Variants in LIAT1 observed in about 807,000 individuals in gnomAD.
The protein encoded by LIAT1 is protein LIAT1.
chr17:413,435 C>T, the LIAT1 span: 77 of 1,613,816 alleles, frequency 4.8e-5, no homozygotes, highest in African/African-American at 5.3e-5. Flanking sequence ...AAAACGGTAC[C>T]GGTGCTTGGC....
At chr17:414,068 A>G in the LIAT1 span, 1 of 1,614,014 alleles carries the variant, frequency 6.2e-7, no homozygotes, top group South Asian at 1.1e-5. The surrounding 1 kb of genome is among the most constrained non-coding windows in gnomAD (Gnocchi z 4.1). Context: ...AGGAAACCTT[A>G]CCCCAAAGCT....
At chr17:413,354 C>A in the LIAT1 span, 5 of 1,614,252 alleles carry the variant, frequency 3.1e-6, no homozygotes, top group Non-Finnish European at 4.2e-6. Context: ...CGAAAGTCTG[C>A]GTTGGGATGG....
At chr17:410,714 C>A in the LIAT1 span, 1 of 1,426,040 alleles carries the variant, frequency 7.0e-7, no homozygotes, top group Non-Finnish European at 9.5e-7. Flanking sequence ...GACCCACCCC[C>A]CATTTACCCT....
chr17:413,030 G>A, the LIAT1 span: 47 of 1,196,882 alleles, frequency 3.9e-5, no homozygotes, highest in Admixed American at 1.9e-4. Context: ...GGCAGCCTGA[G>A]CCCTGGGTAC....
At chr17:412,593 A>G in the LIAT1 span, among the ~76,000 whole-genome samples, 4 of 152,322 alleles carry the variant, frequency 2.6e-5, no homozygotes, top group Non-Finnish European at 5.9e-5. Context: ...AAATCAGTAC[A>G]AGCCATACAG....
chr17:413,444 G>A, the LIAT1 span: 4 of 1,613,222 alleles, frequency 2.5e-6, no homozygotes, highest in South Asian at 4.4e-5. Flanking sequence ...CCGGTGCTTG[G>A]CCCTCAAGGG....
At chr17:413,195 T>A in the LIAT1 span, 1 of 1,614,182 alleles carries the variant, frequency 6.2e-7, no homozygotes, top group East Asian at 2.2e-5. Flanking sequence ...TTCTTCCTCC[T>A]TTCATGACAT....
the LIAT1 span, chr17:414,228 C>T: frequency 1.5e-6 from 2 of 1,337,676 alleles, no homozygotes; most frequent in Admixed American, 2.2e-5. This position sits in a 1 kb window ranked among gnomAD's most constrained non-coding sequence, Gnocchi z 4.1. Flanking sequence ...AACAGATGTT[C>T]GGTACACGGA....
the LIAT1 span, chr17:414,045 A>G: frequency 6.8e-6 from 11 of 1,614,174 alleles, no homozygotes; most frequent in South Asian, 1.1e-5. This position sits in a 1 kb window ranked among gnomAD's most constrained non-coding sequence, Gnocchi z 4.1. Context: ...GAGTGCCCCA[A>G]TCTCTGTTTT....
At chr17:412,345 GC>G in the LIAT1 span, among the ~76,000 whole-genome samples, 3 of 151,896 alleles carry the variant, frequency 2.0e-5, no homozygotes, top group Non-Finnish European at 4.4e-5. Flanking sequence ...AAGAAATTTG[GC>G]AGTTCATTGT....
chr17:412,851 G>T, the LIAT1 span, among the ~76,000 whole-genome samples: 3 of 152,230 alleles, frequency 2.0e-5, no homozygotes, highest in Admixed American at 6.5e-5. Flanking sequence ...CATGACATTG[G>T]CAAGTTCCTG....
chr17:413,326 C>G, the LIAT1 span: 1 of 1,614,260 alleles, frequency 6.2e-7, no homozygotes, highest in Non-Finnish European at 8.5e-7. Context: ...AAATAGAGAA[C>G]CTTGCGAATC....
chr17:410,488 A>C, the LIAT1 span: 1 of 1,544,108 alleles, frequency 6.5e-7, no homozygotes, highest in Middle Eastern at 1.7e-4. Context: ...ATGGGGTACA[A>C]GGACAACGAC....
the LIAT1 span, chr17:414,237 G>A: frequency 2.5e-6 from 3 of 1,223,596 alleles, no homozygotes; most frequent in Non-Finnish European, 3.4e-6. This position sits in a 1 kb window ranked among gnomAD's most constrained non-coding sequence, Gnocchi z 4.1. Flanking sequence ...TCGGTACACG[G>A]ACGACGCCGA....
chr17:413,336 C>G, the LIAT1 span: 11 of 1,614,260 alleles, frequency 6.8e-6, no homozygotes, highest in East Asian at 8.9e-5. Flanking sequence ...CCTTGCGAAT[C>G]GGATCAACGA....
the LIAT1 span, chr17:413,397 G>A: frequency 6.2e-7 from 1 of 1,614,226 alleles, no homozygotes. Flanking sequence ...GAGAAGGAAA[G>A]GATTCGCATC....
the LIAT1 span, chr17:414,424 G>C: frequency 3.1e-6 from 1 of 321,230 alleles, no homozygotes; most frequent in Admixed American, 4.7e-5. The surrounding 1 kb of genome is among the most constrained non-coding windows in gnomAD (Gnocchi z 4.1). Context: ...AGAAAAGAAA[G>C]CGTGTAGATG....
the LIAT1 span, chr17:410,367 G>T: frequency 1.3e-6 from 2 of 1,507,900 alleles, no homozygotes; most frequent in African/African-American, 2.8e-5. Context: ...CCCTGGCCTG[G>T]CGGTCCGCGC....
the LIAT1 span, among the ~76,000 whole-genome samples, chr17:410,981 C>T: frequency 6.6e-6 from 1 of 152,206 alleles, no homozygotes; most frequent in African/African-American, 2.4e-5. Context: ...GCCTTCCCCA[C>T]AGAGGCCCTC....
Sources: allele counts gnomAD v4.1 joint callset (sites outside exome capture counted in the v4.1 genomes callset), GRCh38; gene constraint gnomAD v4.1.1; non-coding constraint Gnocchi (gnomAD v3.1); transcripts MANE v1.5; gene names NCBI Gene and HGNC (gene_info 2026-07-23, HGNC 2026-07-21).